Variants in BTBD9 observed in about 807,000 individuals in gnomAD.
BTBD9 encodes BTB domain containing 9, also known as BTB/POZ domain-containing protein 9.
A neutral mutation model predicts 64.3 loss-of-function variants in BTBD9; 49 were observed. That is an observed-to-expected ratio of 0.76 (90% confidence interval 0.61 to 0.97). The LOEUF is 0.97. Ranked by LOEUF, BTBD9 falls within the 50% of genes least tolerant of loss-of-function variation. BTBD9 has a pLI of 0.00. For missense variants in BTBD9, 598 were observed against 762.1 expected (o/e 0.78, Z 2.53); for synonymous variants, 260 against 274.7 (o/e 0.95, Z 0.53).
intron 6 of BTBD9, among the ~76,000 whole-genome samples, chr6:38,405,813 T>C (rs1179246973): frequency 6.6e-6 from 1 of 152,176 alleles, no homozygotes; most frequent in African/African-American, 2.4e-5. Context: ...GCAGATCTTC[T>C]AGTGTTGGTC....
intron 4 of BTBD9, 137 bp downstream of exon 4, chr6:38,592,439 T>C: frequency 1.1e-6 from 1 of 923,894 alleles, no homozygotes; most frequent in African/African-American, 1.6e-5. Flanking sequence ...GGAAAGACAT[T>C]CCATAGGCTA....
At chr6:38,558,460 T>C (rs1775122006) in intron 6 of BTBD9, among the ~76,000 whole-genome samples, 1 of 152,156 alleles carries the variant, frequency 6.6e-6, no homozygotes, top group Non-Finnish European at 1.5e-5. Flanking sequence ...AGAGTGGACA[T>C]CCTTTCTTTT....
At chr6:38,538,783 CTT>C (rs55908292) in intron 6 of BTBD9, among the ~76,000 whole-genome samples, 4 of 147,090 alleles carry the variant, frequency 2.7e-5, no homozygotes, top group Non-Finnish European at 4.5e-5. Flanking sequence ...TTTTCTTTTT[CTT>C]TTTTTTTTTT....
At chr6:38,569,661 A>C (rs999805137) in intron 6 of BTBD9, among the ~76,000 whole-genome samples, 1 of 152,184 alleles carries the variant, frequency 6.6e-6, no homozygotes, top group Non-Finnish European at 1.5e-5. Flanking sequence ...CACACAAAAG[A>C]AGCTCAACAT....
intron 7 of BTBD9, among the ~76,000 whole-genome samples, chr6:38,302,831 CA>C (rs1052793558): frequency 2.0e-4 from 31 of 151,850 alleles, no homozygotes; most frequent in Non-Finnish European, 4.0e-4. Flanking sequence ...TTTTTGATAC[CA>C]TCCATTCTAA....
chr6:38,327,300 C>T (rs994373665), intron 7 of BTBD9, among the ~76,000 whole-genome samples: 1 of 152,186 alleles, frequency 6.6e-6, no homozygotes, highest in Non-Finnish European at 1.5e-5. Flanking sequence ...CAGGCTTCCA[C>T]TCCTATACAA....
chr6:38,278,863 GA>G (rs1761391748), intron 8 of BTBD9, among the ~76,000 whole-genome samples: 1 of 152,178 alleles, frequency 6.6e-6, no homozygotes, highest in Non-Finnish European at 1.5e-5. Context: ...GTAAAAGGAA[GA>G]AAGAAGATCC....
At chr6:38,179,623 C>A (rs1432370777) in intron 10 of BTBD9, 1 of 456,768 alleles carries the variant, frequency 2.2e-6, no homozygotes, top group Non-Finnish European at 4.4e-6. Flanking sequence ...GGCAGAGGCA[C>A]CTCTGTGCAG....
intron 8 of BTBD9, among the ~76,000 whole-genome samples, chr6:38,271,027 A>G (rs1156436315): frequency 6.6e-6 from 1 of 152,196 alleles, no homozygotes; most frequent in Non-Finnish European, 1.5e-5. Context: ...CCTTTTAATT[A>G]CAAAGCGATA....
chr6:38,502,786 G>C (rs1772273500), intron 6 of BTBD9, among the ~76,000 whole-genome samples: 1 of 151,952 alleles, frequency 6.6e-6, no homozygotes, highest in Admixed American at 6.6e-5. Flanking sequence ...AAAATAAAAT[G>C]ACCATACTTG....
chr6:38,539,921 A>G (rs755866263), intron 6 of BTBD9, among the ~76,000 whole-genome samples: 2 of 152,194 alleles, frequency 1.3e-5, no homozygotes, highest in African/African-American at 4.8e-5. Context: ...GCTAAGAGAA[A>G]TAAGTATTTC....
intron 9 of BTBD9, among the ~76,000 whole-genome samples, chr6:38,239,325 A>G (rs573272239): frequency 6.6e-6 from 1 of 151,716 alleles, no homozygotes; most frequent in East Asian, 2.0e-4. Context: ...CTGCAGTCCC[A>G]GCTACTTGGG....
intron 6 of BTBD9, among the ~76,000 whole-genome samples, chr6:38,430,218 T>A (rs1468076520): frequency 6.6e-6 from 1 of 151,928 alleles, no homozygotes; most frequent in East Asian, 1.9e-4. Flanking sequence ...TAAACTTTTT[T>A]ATTTTATTTT....
intron 6 of BTBD9, among the ~76,000 whole-genome samples, chr6:38,511,121 G>C (rs1337221563): frequency 5.9e-5 from 9 of 152,020 alleles, no homozygotes; most frequent in African/African-American, 2.2e-4. Context: ...TCCTTTATGG[G>C]ATCACTGTTG....
At chr6:38,499,956 G>C (rs187312908) in intron 6 of BTBD9, among the ~76,000 whole-genome samples, 1 of 152,130 alleles carries the variant, frequency 6.6e-6, no homozygotes, top group Non-Finnish European at 1.5e-5. Context: ...GCTGAGCTCC[G>C]TATCTTAGTT....
chr6:38,266,293 C>T (rs1484026586), intron 8 of BTBD9, among the ~76,000 whole-genome samples: 1 of 152,120 alleles, frequency 6.6e-6, no homozygotes, highest in African/African-American at 2.4e-5. Flanking sequence ...AAATTCTCAG[C>T]CAGGCACGGT....
At chr6:38,205,446 C>T (rs1047545773) in intron 9 of BTBD9, among the ~76,000 whole-genome samples, 10 of 151,938 alleles carry the variant, frequency 6.6e-5, no homozygotes, top group African/African-American at 2.4e-4. Flanking sequence ...AGTGACCATT[C>T]CCAGACAAAG....
intron 8 of BTBD9, among the ~76,000 whole-genome samples, chr6:38,274,073 G>C (rs1765286467): frequency 6.6e-6 from 1 of 152,184 alleles, no homozygotes; most frequent in Admixed American, 6.5e-5. Context: ...TGAAGAAATG[G>C]TCGAAGGAAG....
At chr6:38,534,885 G>C (rs2748163) in intron 6 of BTBD9, among the ~76,000 whole-genome samples, 151,772 of 152,252 alleles carry the variant, frequency 1, 75,649 homozygotes, top group Middle Eastern at 1. Context: ...TAATAAAAGC[G>C]ATATAAGGCA....
Sources: allele counts gnomAD v4.1 joint callset (sites outside exome capture counted in the v4.1 genomes callset), GRCh38; gene constraint gnomAD v4.1.1; transcripts MANE v1.5; gene names NCBI Gene and HGNC (gene_info 2026-07-23, HGNC 2026-07-21).